The following MRRF variants were observed in gnomAD, a reference collection of about 807,000 sequenced individuals.
MRRF encodes the protein ribosome-recycling factor, mitochondrial.
In MRRF, 18 loss-of-function variants were observed where a neutral mutation model predicts 25.1. The ratio of observed to expected loss-of-function variants is 0.72; its 90% CI spans 0.50 to 1.06. MRRF has a LOEUF of 1.06. MRRF is among the 50% of genes least tolerant of loss of function. MRRF has a pLI of 0.00. For missense variants in MRRF, 323 were observed against 319.3 expected (o/e 1.01, Z -0.09); for synonymous variants, 113 against 112.1 (o/e 1.01, Z -0.05).
rs1199394715 is a variant in MRRF, at chr9:122,324,884, C to G, written c.*2267C>G. The G allele has an allele frequency of 6.6e-6, 1 of 152,236 alleles. No individual in the cohort carries two copies. Among genetic ancestry groups the G allele is most frequent in the Non-Finnish European group, 1.5e-5 (1 of 68,062 alleles). 9.4% of individuals were successfully genotyped at this position (152,236 alleles called of 1,614,324 possible). A position where few individuals can be genotyped will look rare whatever the true frequency, so the allele number is the denominator to read the frequency against. ...CTTACCTGTCCTCTAACCCCATCCA[C>G]CAGCCCTAAGTGGTCATCACATGAT... On this transcript the variant is annotated 3_prime_UTR_variant, in exon 7 of 7. Transcript: ENST00000344641.
At chr9:122,268,879 C>T (rs1832276671) in intron 1 of MRRF, among the ~76,000 whole-genome samples, 1 of 152,094 alleles carries the variant, frequency 6.6e-6, no homozygotes, top group African/African-American at 2.4e-5. Context: ...TAATATCCAT[C>T]ATTAGGCCGG....
At chr9:122,270,393 TA>T (rs1373223288) in intron 1 of MRRF, among the ~76,000 whole-genome samples, 1 of 152,220 alleles carries the variant, frequency 6.6e-6, no homozygotes, top group Non-Finnish European at 1.5e-5. Context: ...AGGAACCAAA[TA>T]AAATTTTAAT....
At chr9:122,315,996 T>C (rs1014402706) in intron 6 of MRRF, among the ~76,000 whole-genome samples, 1 of 152,202 alleles carries the variant, frequency 6.6e-6, no homozygotes, top group Non-Finnish European at 1.5e-5. Flanking sequence ...TTTTTTTAAG[T>C]GAAAATAGCT....
chr9:122,304,011 G>A (rs1834649867), intron 5 of MRRF, among the ~76,000 whole-genome samples: 1 of 150,678 alleles, frequency 6.6e-6, no homozygotes, highest in Admixed American at 6.6e-5. Context: ...CACACACAGA[G>A]TAGTGTCTGT....
At chr9:122,319,450 T>A (rs1835743032) in intron 6 of MRRF, among the ~76,000 whole-genome samples, 2 of 152,180 alleles carry the variant, frequency 1.3e-5, no homozygotes, top group Non-Finnish European at 2.9e-5. Flanking sequence ...TATGTGATCT[T>A]GGACAGATCA....
At chr9:122,275,238 T>G (rs1832706351) in intron 2 of MRRF, among the ~76,000 whole-genome samples, 1 of 152,168 alleles carries the variant, frequency 6.6e-6, no homozygotes, top group African/African-American at 2.4e-5. Flanking sequence ...TTTGTATCCT[T>G]TGATTTATAT....
chr9:122,269,002 A>G (rs918132221), intron 1 of MRRF, among the ~76,000 whole-genome samples: 1 of 151,794 alleles, frequency 6.6e-6, no homozygotes, highest in Non-Finnish European at 1.5e-5. Flanking sequence ...CGTCTCTACT[A>G]AAAAATACAA....
chr9:122,304,869 C>T (rs982697524), intron 5 of MRRF, among the ~76,000 whole-genome samples: 5 of 152,068 alleles, frequency 3.3e-5, no homozygotes, highest in Non-Finnish European at 7.4e-5. Flanking sequence ...CTATACTGGA[C>T]TCAAATCCTG....
intron 3 of MRRF, among the ~76,000 whole-genome samples, chr9:122,283,725 C>A (rs1002150996): frequency 3.9e-5 from 6 of 152,198 alleles, no homozygotes; most frequent in Non-Finnish European, 7.3e-5. Flanking sequence ...CATTTCCCCC[C>A]TTTTCTCTTT....
intron 2 of MRRF, among the ~76,000 whole-genome samples, chr9:122,277,620 G>A (rs961560190): frequency 6.6e-6 from 1 of 151,882 alleles, no homozygotes; most frequent in Non-Finnish European, 1.5e-5. Context: ...GTGCAGTGTC[G>A]GCTCACCGCA....
At chr9:122,314,737 C>T (rs540125500) in intron 6 of MRRF, among the ~76,000 whole-genome samples, 31 of 152,186 alleles carry the variant, frequency 2.0e-4, no homozygotes, top group Admixed American at 6.5e-4. Context: ...TTGTAGGGGG[C>T]AAGACTGGAG....
At chr9:122,273,270 G>A (rs560654888) in intron 2 of MRRF, among the ~76,000 whole-genome samples, 14 of 151,994 alleles carry the variant, frequency 9.2e-5, no homozygotes, top group East Asian at 3.9e-4. Context: ...GGGCAACATG[G>A]GGAAGCCCTG....
rs1231430946 is a variant in MRRF, at chr9:122,267,453, A to C, written c.-29+2515A>C. On this transcript the variant is annotated intron_variant, in intron 1 of 6. Coordinates refer to ENST00000344641, the MANE Select transcript of MRRF (RefSeq NM_138777.5). The stretch of plus-strand genomic sequence containing the variant: ...CTACAATTTATTGTGTACCTACTGG[A>C]TGCCAGGCATTGTACTGTGTGTATG... 3.3e-5 allele frequency among the ~76,000 whole-genome samples: 5 copies of C among 151,584 alleles called. No homozygotes were observed. In the South Asian group the frequency reaches 1.0e-3, roughly 32 times the overall value.
In MRRF at chr9:122,323,126, A is replaced by C. The variant is rs1331746320; in HGVS notation, c.*509A>C. On this transcript the variant is annotated 3_prime_UTR_variant, in exon 7 of 7. Transcript: ENST00000344641. The stretch of plus-strand genomic sequence containing the variant: ...GGATTGATGATCACTGAGGATCTGT[A>C]TGTGAGGCACCCATAACAGTAGTTT... 1 of 178,346 alleles carries C rather than the reference A, an allele frequency of 5.6e-6. No individual in the cohort carries two copies. The highest frequency in any genetic ancestry group is 1.2e-5 in the Non-Finnish European group (1 of 82,148). 11.0% of individuals were successfully genotyped at this position (178,346 alleles called of 1,614,324 possible). A position where few individuals can be genotyped will look rare whatever the true frequency, so the allele number is the denominator to read the frequency against.
chr9:122,284,974 A>G (rs767265325), intron 3 of MRRF, among the ~76,000 whole-genome samples, 195 bp from the exon 4 acceptor site: 45 of 152,282 alleles, frequency 3.0e-4, no homozygotes, highest in Middle Eastern at 3.4e-3. Flanking sequence ...ATGTTTTTGT[A>G]GAGATGTGGT....
rs548872732 is a variant in MRRF, at chr9:122,329,163, T to C, written c.*6546T>C. 2 of 152,316 alleles carry C rather than the reference T, an allele frequency of 1.3e-5. No individual in the cohort carries two copies. The highest frequency in any genetic ancestry group is 4.8e-5 in the African/African-American group (2 of 41,568). 9.4% of individuals were successfully genotyped at this position (152,316 alleles called of 1,614,324 possible). ...CTGCAATCTGGGCCTGATGTATTCCTTTAATTGTGATGCATCTCTTACAAC... is the reference window on the plus strand; with the variant it reads ...CTGCAATCTGGGCCTGATGTATTCCCTTAATTGTGATGCATCTCTTACAAC... On this transcript the variant is annotated 3_prime_UTR_variant, in exon 7 of 7. Coordinates refer to ENST00000344641, the MANE Select transcript of MRRF (RefSeq NM_138777.5).
Position 122,285,523 on chromosome 9 carries a change from A to G in MRRF, c.459+236A>G, listed in dbSNP as rs1833341485. The G allele has an allele frequency of 8.1e-6, 4 of 495,692 alleles. No individual in the cohort carries two copies. In the Admixed American group the frequency reaches 9.6e-5, roughly 12 times the overall value. 30.7% of individuals were successfully genotyped at this position (495,692 alleles called of 1,614,324 possible). A position where few individuals can be genotyped will look rare whatever the true frequency, so the allele number is the denominator to read the frequency against. ...AATACCCAAACGGGTCCCATCTAAG[A>G]AAAACAATACTGGAGATGCAGTGAT... On this transcript the variant is annotated intron_variant, in intron 4 of 6. Coordinates refer to ENST00000344641, the MANE Select transcript of MRRF (RefSeq NM_138777.5).
At chr9:122,308,012 G>T (rs1314843434) in intron 5 of MRRF, among the ~76,000 whole-genome samples, 2 of 152,172 alleles carry the variant, frequency 1.3e-5, no homozygotes, top group Non-Finnish European at 2.9e-5. Context: ...TAGCAGTGGG[G>T]CATGCCCTCT....
intron 5 of MRRF, among the ~76,000 whole-genome samples, chr9:122,311,301 C>T (rs1835191515): frequency 6.6e-6 from 1 of 152,194 alleles, no homozygotes; most frequent in African/African-American, 2.4e-5. Context: ...CCCTTCTCCC[C>T]CTCAGCCCTC....
Sources: allele counts gnomAD v4.1 joint callset (sites outside exome capture counted in the v4.1 genomes callset), GRCh38; gene constraint gnomAD v4.1.1; transcripts MANE v1.5; gene names NCBI Gene and HGNC (gene_info 2026-07-23, HGNC 2026-07-21).